CTNND2: variants seen among roughly 807,000 people sequenced by gnomAD.
CTNND2 encodes the protein catenin delta-2.
A neutral mutation model predicts 144.4 loss-of-function variants in CTNND2; 22 were observed. The observed-to-expected ratio is 0.15, with a 90% CI of 0.11 to 0.22. The LOEUF (loss-of-function observed/expected upper bound fraction) is 0.22. Among genes scored for constraint, CTNND2 ranks in the 10% least tolerant of loss-of-function variants. CTNND2 has a pLI of 1.00. For synonymous variants in CTNND2, 751 were observed against 695.6 expected, an observed-to-expected ratio of 1.08 and a Z score of -1.25; for missense variants, 1,353 against 1,618.8, an observed-to-expected ratio of 0.84 and a Z score of 2.82.
chr5:11,635,707 G>A (rs1225974993), intron 2 of CTNND2, among the ~76,000 whole-genome samples: 1 of 152,038 alleles, frequency 6.6e-6, no homozygotes, highest in Non-Finnish European at 1.5e-5. Context: ...ATTCTACATA[G>A]GAAAGAATAT....
chr5:11,757,637 A>AT (rs1789026052), intron 1 of CTNND2, among the ~76,000 whole-genome samples: 1 of 151,980 alleles, frequency 6.6e-6, no homozygotes, highest in African/African-American at 2.4e-5. Flanking sequence ...CGTCATTTAA[A>AT]TTTTTAATAA....
chr5:11,658,702 C>G (rs10474928), intron 2 of CTNND2, among the ~76,000 whole-genome samples: 1 of 151,960 alleles, frequency 6.6e-6, no homozygotes, highest in Non-Finnish European at 1.5e-5. Context: ...TTTCCATAAA[C>G]GACAGCTGAT....
At chr5:11,598,069 A>G (rs1441929488) in intron 2 of CTNND2, among the ~76,000 whole-genome samples, 1 of 152,162 alleles carries the variant, frequency 6.6e-6, no homozygotes, top group East Asian at 1.9e-4. Flanking sequence ...GTAAAATGTT[A>G]TCATTGTTTC....
chr5:11,455,905 T>C (rs1340877649), intron 3 of CTNND2, among the ~76,000 whole-genome samples: 1 of 152,242 alleles, frequency 6.6e-6, no homozygotes, highest in African/African-American at 2.4e-5. Flanking sequence ...CTTATGCTGT[T>C]AGATTCTGTC....
At chr5:11,774,791 T>C (rs1373729400) in intron 1 of CTNND2, among the ~76,000 whole-genome samples, 1 of 152,198 alleles carries the variant, frequency 6.6e-6, no homozygotes, top group African/African-American at 2.4e-5. Flanking sequence ...GCTCTGTTCA[T>C]TAATCTGAGC....
intron 10 of CTNND2, among the ~76,000 whole-genome samples, chr5:11,232,017 C>A (rs1741083385): frequency 6.6e-6 from 1 of 152,222 alleles, no homozygotes; most frequent in Non-Finnish European, 1.5e-5. Context: ...GAGCCCCAAG[C>A]CTTGGTGGCT....
intron 3 of CTNND2, among the ~76,000 whole-genome samples, chr5:11,545,782 T>C (rs1398141508): frequency 6.6e-5 from 10 of 152,108 alleles, no homozygotes; most frequent in Non-Finnish European, 1.3e-4. Flanking sequence ...CAAACATGTG[T>C]GTCCACATAT....
intron 1 of CTNND2, among the ~76,000 whole-genome samples, chr5:11,814,408 G>A (rs943389571): frequency 2.6e-5 from 4 of 152,238 alleles, no homozygotes; most frequent in Non-Finnish European, 5.9e-5. Flanking sequence ...GGATATCACT[G>A]ATGGACGTAT....
At chr5:11,090,402 C>T (rs940490042) in intron 15 of CTNND2, among the ~76,000 whole-genome samples, 4 of 152,212 alleles carry the variant, frequency 2.6e-5, no homozygotes, top group Non-Finnish European at 5.9e-5. Flanking sequence ...CCCCAACCCC[C>T]GGGCCGCAGA....
At chr5:11,693,228 C>G (rs1290913513) in intron 2 of CTNND2, among the ~76,000 whole-genome samples, 1 of 152,132 alleles carries the variant, frequency 6.6e-6, no homozygotes, top group African/African-American at 2.4e-5. Context: ...CTCTCCAGAC[C>G]CTGAATATGC....
intron 16 of CTNND2, among the ~76,000 whole-genome samples, chr5:11,047,188 C>T (rs1198084060): frequency 6.6e-6 from 1 of 152,140 alleles, no homozygotes; most frequent in Non-Finnish European, 1.5e-5. Flanking sequence ...TGAAAGATTA[C>T]TTGCACATGG....
intron 21 of CTNND2, among the ~76,000 whole-genome samples, 181 bp downstream of exon 21, chr5:10,981,592 C>CAG (rs1737259085): frequency 6.6e-6 from 1 of 151,964 alleles, no homozygotes. Context: ...GTCCAACACA[C>CAG]ACACACACAC....
chr5:11,773,634 A>T (rs1253349185), intron 1 of CTNND2, among the ~76,000 whole-genome samples: 1 of 152,102 alleles, frequency 6.6e-6, no homozygotes, highest in Non-Finnish European at 1.5e-5. Flanking sequence ...ACATGGTGAG[A>T]CCCTGTCTCT....
chr5:11,673,421 C>G (rs930078046), intron 2 of CTNND2, among the ~76,000 whole-genome samples: 1 of 151,966 alleles, frequency 6.6e-6, no homozygotes, highest in Non-Finnish European at 1.5e-5. Context: ...GTTTTGTGGT[C>G]TTTTTATTTT....
intron 1 of CTNND2, among the ~76,000 whole-genome samples, chr5:11,752,888 T>C (rs1265453054): frequency 6.6e-6 from 1 of 151,820 alleles, no homozygotes; most frequent in East Asian, 1.9e-4. Context: ...TGTAGAGATC[T>C]TTCACCTCCC....
intron 14 of CTNND2, among the ~76,000 whole-genome samples, chr5:11,105,663 C>T (rs1389852491): frequency 1.3e-5 from 2 of 152,186 alleles, no homozygotes; most frequent in Non-Finnish European, 2.9e-5. Context: ...AAAATAGCAG[C>T]ACTTTTAGGT....
At chr5:11,864,689 T>G (rs1795660576) in intron 1 of CTNND2, among the ~76,000 whole-genome samples, 2 of 152,176 alleles carry the variant, frequency 1.3e-5, no homozygotes, top group Admixed American at 1.3e-4. Flanking sequence ...AAGATGTGAG[T>G]GGCATCCCTG....
chr5:11,422,415 A>T lies in CTNND2; in HGVS notation c.288-10346T>A, dbSNP rs758293858. On this transcript the variant is annotated intron_variant, in intron 3 of 21. Coordinates refer to ENST00000304623, the MANE Select transcript of CTNND2 (RefSeq NM_001332.4). ...AGACCACAGGAGAAAATAAATCAGA[A>T]CTAAATTGCCGCTATTAATTTTAGT... is the stretch of plus-strand genomic sequence containing the variant. Among the ~76,000 whole-genome samples the T allele has an allele frequency of 2.0e-5, 3 of 152,326 alleles. No individual in the cohort carries two copies. The South Asian group carries it at 6.2e-4, about 32-fold the overall frequency.
At chr5:11,724,816 C>T (rs1008726003) in intron 2 of CTNND2, among the ~76,000 whole-genome samples, 13 of 152,026 alleles carry the variant, frequency 8.6e-5, no homozygotes, top group East Asian at 1.9e-4. Flanking sequence ...GTGTAACTTG[C>T]GAAAATGCAT....
Sources: allele counts gnomAD v4.1 joint callset (sites outside exome capture counted in the v4.1 genomes callset), GRCh38; gene constraint gnomAD v4.1.1; transcripts MANE v1.5; gene names NCBI Gene and HGNC (gene_info 2026-07-23, HGNC 2026-07-21).